Variants in MMRN2 observed in about 807,000 individuals in gnomAD.
MMRN2 encodes the protein multimerin 2.
In MMRN2, 53 loss-of-function variants were observed where a neutral mutation model predicts 68.8. The ratio of observed to expected loss-of-function variants is 0.77; its 90% CI spans 0.62 to 0.97. The LOEUF is 0.97. Ranked by LOEUF, MMRN2 falls within the 50% of genes least tolerant of loss-of-function variation. The pLI is 0.00. For synonymous variants in MMRN2, 564 were observed against 551.6 expected (o/e 1.02, Z -0.32); for missense variants, 1,266 against 1,259.5 (o/e 1.01, Z -0.08).
chr10:86,939,061 C>T (rs1358826884), intron 6 of MMRN2, among the ~76,000 whole-genome samples: 2 of 150,966 alleles, frequency 1.3e-5, no homozygotes, highest in Admixed American at 6.6e-5. Flanking sequence ...ACTTGGGAGG[C>T]TGAGGCATGA....
intron 6 of MMRN2, among the ~76,000 whole-genome samples, chr10:86,939,669 A>ACCC (rs139691921): frequency 1.3e-5 from 2 of 150,180 alleles, no homozygotes; most frequent in Non-Finnish European, 3.0e-5. Flanking sequence ...GCAGAGAGAG[A>ACCC]CCCCCACCCC....
In MMRN2 at chr10:86,943,597, T is replaced by G; in HGVS notation, c.1187A>C (p.Tyr396Ser). 1 of 1,614,062 alleles carries G rather than the reference T, an allele frequency of 6.2e-7. No individual in the cohort carries two copies. Among genetic ancestry groups the G allele is most frequent in the Non-Finnish European group, 8.5e-7 (1 of 1,180,028 alleles). Residue 396 changes from tyrosine (Y) to serine (S), a missense_variant, in exon 6 of 7, where the codon TAC (tyrosine) becomes TCC (serine). Tyr to Ser is a moderately radical substitution (Grantham distance 144). Transcript: ENST00000372027. The surrounding 1 kb of genome is among the most constrained non-coding windows in gnomAD (Gnocchi z 4.2). ...GGTGGCCCTCATGTCCTCCAGGGTG[T>G]ACTGCAACTCCTCCTCCCTGCGGGC... ...TTARREEELQ[Y>S]TLEDMRATLT... is the part of the protein sequence containing the mutation.
chr10:86,944,204 C>T lies in MMRN2; in HGVS notation c.655+58G>A, dbSNP rs1844032227. The T allele has an allele frequency of 3.1e-6, 5 of 1,589,992 alleles. No homozygotes were observed. The East Asian group carries it at 1.1e-4, about 36-fold the overall frequency. On this transcript the variant is annotated intron_variant, in intron 5 of 6. Coordinates refer to ENST00000372027, the MANE Select transcript of MMRN2 (RefSeq NM_024756.3). ...CCCAGGCTGGGACCAGCGGGGTCCT[C>T]CCCTCCTCCCCTCAATGTGACCAGG...
rs1344455602 is a variant in MMRN2, at chr10:86,957,510, C to T, written c.32G>A (p.Gly11Asp). Reference protein sequence around the residue: MILSLLFSLGGPLGWGLLGAW... With the variant: MILSLLFSLGDPLGWGLLGAW... ...CCCCAGCAGCCCCCAGCCCAGGGGG[C>T]CCCCAAGGCTGAACAGCAAGCTCAG... The change falls in exon 1 of 7, where the codon GGC becomes GAC. Residue 11 changes from glycine (G) to aspartate (D), a missense_variant. Physicochemically the swap from Gly to Asp is moderately conservative, Grantham distance 94. Transcript: ENST00000372027. The T allele has an allele frequency of 6.2e-7, 1 of 1,612,390 alleles. No homozygotes were observed. Among genetic ancestry groups the T allele is most frequent in the Non-Finnish European group, 8.5e-7 (1 of 1,179,828 alleles).
At chr10:86,941,446 C>G (rs571414059) in intron 6 of MMRN2, among the ~76,000 whole-genome samples, 2 of 152,006 alleles carry the variant, frequency 1.3e-5, no homozygotes, top group Non-Finnish European at 2.9e-5. Flanking sequence ...TGGTGTCTCC[C>G]TCTCTCAAAA....
Position 86,935,651 on chromosome 10 carries a change from C to T in MMRN2, c.*1092G>A, listed in dbSNP as rs1042249049. The T allele has an allele frequency of 6.6e-6, 1 of 152,274 alleles. No individual in the cohort carries two copies. The highest frequency in any genetic ancestry group is 2.1e-4 in the South Asian group (1 of 4,824). The allele number at this position is 152,274 out of a possible 1,614,324, so 9.4% of individuals were successfully genotyped here. A position where few individuals can be genotyped will look rare whatever the true frequency, so the allele number is the denominator to read the frequency against. On this transcript the variant is annotated 3_prime_UTR_variant, in exon 7 of 7. Transcript: ENST00000372027. ...TGGTTAGAGATGCTAACAAGAATTA[C>T]GATGGTCCTAAGATACTGGAGGAAG...
At chr10:86,950,224 C>T (rs1647644044) in intron 1 of MMRN2, among the ~76,000 whole-genome samples, 1 of 148,038 alleles carries the variant, frequency 6.8e-6, no homozygotes, top group Non-Finnish European at 1.5e-5. Flanking sequence ...CCTAATTATC[C>T]TAGCTACTTG....
Position 86,943,980 on chromosome 10 carries a change from G to A in MMRN2, c.804C>T (p.Ala268=). The change falls in exon 6 of 7, where the codon GCC becomes GCT. Residue 268 remains alanine (A), a synonymous_variant. Coordinates refer to ENST00000372027, the MANE Select transcript of MMRN2 (RefSeq NM_024756.3). This position sits in a 1 kb window ranked among gnomAD's most constrained non-coding sequence, Gnocchi z 4.2. The stretch of plus-strand genomic sequence containing the variant: ...GGACTCTGGAGATGGCCTGGCGGTT[G>A]GCCTCCACGTCAAGAGACAGGTTTC... ...AIRNLSLDVE[A]NRQAISRVQD... The A allele has an allele frequency of 1.2e-6, 2 of 1,614,118 alleles. No individual in the cohort carries two copies. Among genetic ancestry groups the A allele is most frequent in the Non-Finnish European group, 1.7e-6 (2 of 1,180,030 alleles).
At chr10:86,948,856 T>C (rs1844106911) in intron 1 of MMRN2, 1 of 152,176 alleles carries the variant, frequency 6.6e-6, no homozygotes, top group Non-Finnish European at 1.5e-5. Flanking sequence ...CTCAGATGGC[T>C]GAGGTGGAAG....
intron 1 of MMRN2, 198 bp from the exon 2 acceptor site, chr10:86,945,887 G>A: frequency 7.1e-7 from 1 of 1,404,620 alleles, no homozygotes; most frequent in Non-Finnish European, 9.3e-7. Flanking sequence ...CTGCAAAGAG[G>A]GCACCTGCTC....
Position 86,945,559 on chromosome 10 carries a change from A to G in MMRN2, c.293+2T>C, listed in dbSNP as rs1445427823. 1.3e-6 allele frequency: 2 copies of G among 1,590,046 alleles called. No individual in the cohort carries two copies. Among genetic ancestry groups the G allele is most frequent in the East Asian group, 2.3e-5 (1 of 44,206 alleles). On this transcript the variant is annotated splice_donor_variant, in intron 2 of 6. Coordinates refer to ENST00000372027, the MANE Select transcript of MMRN2 (RefSeq NM_024756.3). LOFTEE classifies it high-confidence loss of function. The stretch of plus-strand genomic sequence containing the variant: ...GCAAATGGCCCACCCTCCCCTACTC[A>G]CATGACTTTGACTTTCTGGCAGTCT...
At position 86,937,089 on chromosome 10, in the gene MMRN2, C is replaced by T. The variant is rs1589298226; in HGVS notation, c.2504G>A (p.Gly835Glu). The change falls in exon 7 of 7, where the codon GGG (glycine) becomes GAG (glutamate). Residue 835 changes from glycine (G) to glutamate (E), a missense_variant. Transcript: ENST00000372027. Reference protein sequence around the residue: ...PVAFYASFSEGTAALQTVKFN... With the variant: ...PVAFYASFSEETAALQTVKFN... ...CTTCACTGTCTGCAGGGCAGCCGTC[C>T]CTTCTGAAAAGCTGGCATAGAAGGC... The T allele has an allele frequency of 6.2e-7, 1 of 1,614,184 alleles. No individual in the cohort carries two copies.
chr10:86,941,977 T>TG (rs1341513108), intron 6 of MMRN2, among the ~76,000 whole-genome samples: 1 of 150,690 alleles, frequency 6.6e-6, no homozygotes, highest in African/African-American at 2.4e-5. Flanking sequence ...AGAGATGAGA[T>TG]GGGGGGACTT....
chr10:86,947,813 C>T (rs1844089970), intron 1 of MMRN2, among the ~76,000 whole-genome samples: 2 of 152,128 alleles, frequency 1.3e-5, no homozygotes, highest in South Asian at 4.1e-4. Flanking sequence ...ATAAAAATAG[C>T]CAACCAGAAG....
At chr10:86,937,907 G>A (rs1328682712) in intron 6 of MMRN2, among the ~76,000 whole-genome samples, 1 of 152,140 alleles carries the variant, frequency 6.6e-6, no homozygotes, top group Non-Finnish European at 1.5e-5. Context: ...GAAAGAGCAG[G>A]TGGAGCCAGG....
chr10:86,953,455 C>G (rs945511343), intron 1 of MMRN2, among the ~76,000 whole-genome samples: 1 of 152,120 alleles, frequency 6.6e-6, no homozygotes, highest in Admixed American at 6.5e-5. Flanking sequence ...GTTCCTCTGC[C>G]GCGGCTCCAG....
intron 1 of MMRN2, among the ~76,000 whole-genome samples, chr10:86,950,497 A>G (rs1444171941): frequency 1.3e-5 from 2 of 152,206 alleles, no homozygotes; most frequent in African/African-American, 4.8e-5. Flanking sequence ...TAACAAAACA[A>G]CAGAGAAAAT....
At position 86,936,162 on chromosome 10, in the gene MMRN2, G is replaced by T. The variant is rs1412596263; in HGVS notation, c.*581C>A. The T allele has an allele frequency of 8.4e-6, 3 of 356,560 alleles. No homozygotes were observed. Among genetic ancestry groups the T allele is most frequent in the Non-Finnish European group, 1.5e-5 (3 of 200,216 alleles). The allele number at this position is 356,560 out of a possible 1,614,324, so 22.1% of individuals were successfully genotyped here. A position where few individuals can be genotyped will look rare whatever the true frequency, so the allele number is the denominator to read the frequency against. On this transcript the variant is annotated 3_prime_UTR_variant, in exon 7 of 7. Coordinates refer to ENST00000372027, the MANE Select transcript of MMRN2 (RefSeq NM_024756.3). ...AGCTAAACCATATCCTACAAGGAAT[G>T]ACTGAAACTAAAGATACTAATTTCC... is the stretch of plus-strand genomic sequence containing the variant.
intron 1 of MMRN2, among the ~76,000 whole-genome samples, chr10:86,952,831 G>A (rs1328619450): frequency 2.0e-5 from 3 of 152,128 alleles, no homozygotes; most frequent in South Asian, 2.1e-4. Context: ...TCTCAATCCT[G>A]GTAAGCCTGA....
Sources: allele counts gnomAD v4.1 joint callset (sites outside exome capture counted in the v4.1 genomes callset), GRCh38; gene constraint gnomAD v4.1.1; non-coding constraint Gnocchi (gnomAD v3.1); transcripts MANE v1.5; gene names NCBI Gene and HGNC (gene_info 2026-07-23, HGNC 2026-07-21).